TBC1D22A: variants seen among roughly 807,000 people sequenced by gnomAD.
TBC1D22A encodes TBC1 domain family member 22A.
Under a neutral mutation model 60.2 loss-of-function variants are expected in TBC1D22A, and 38 were observed. The ratio of observed to expected loss-of-function variants is 0.63; its 90% CI spans 0.49 to 0.83. The LOEUF (loss-of-function observed/expected upper bound fraction) is 0.83, where lower values mean the gene tolerates loss of function less well. Ranked by LOEUF, TBC1D22A falls within the 40% of genes least tolerant of loss-of-function variation. The pLI is 0.00. For missense variants in TBC1D22A, 628 were observed against 701.0 expected, an observed-to-expected ratio of 0.90 and a Z score of 1.18; for synonymous variants, 302 against 281.7, an observed-to-expected ratio of 1.07 and a Z score of -0.72.
intron 12 of TBC1D22A, among the ~76,000 whole-genome samples, chr22:47,166,338 C>T (rs6007618): frequency 0.19 from 28,485 of 152,012 alleles, 3,141 homozygotes; most frequent in African/African-American, 0.31. Context: ...CACATAGGAA[C>T]GTGAAAACAA....
chr22:47,036,509 A>G (rs2062662398), intron 10 of TBC1D22A, among the ~76,000 whole-genome samples: 1 of 152,208 alleles, frequency 6.6e-6, no homozygotes, highest in Non-Finnish European at 1.5e-5. Flanking sequence ...GGCTCTTTCC[A>G]GAGGCCCAGC....
At chr22:46,886,971 G>T (rs577957375) in intron 5 of TBC1D22A, among the ~76,000 whole-genome samples, 1 of 152,280 alleles carries the variant, frequency 6.6e-6, no homozygotes, top group Non-Finnish European at 1.5e-5. Context: ...TGGGAATATG[G>T]CCATGATTTT....
chr22:47,062,913 A>G (rs990891503), intron 11 of TBC1D22A, among the ~76,000 whole-genome samples: 7 of 86,590 alleles, frequency 8.1e-5, no homozygotes, highest in African/African-American at 3.7e-4. Context: ...CCCCCAGGCC[A>G]CCATGTGCAA....
At chr22:46,869,411 T>G (rs1401136016) in intron 4 of TBC1D22A, among the ~76,000 whole-genome samples, 3 of 152,230 alleles carry the variant, frequency 2.0e-5, no homozygotes, top group Admixed American at 6.5e-5. Flanking sequence ...GGAACTGGGT[T>G]TAATCACTCC....
rs926464522 is a variant in TBC1D22A, at chr22:47,079,502, C to G, written c.1330-32006C>G. Among the ~76,000 whole-genome samples the G allele has an allele frequency of 5.3e-5, 8 of 152,196 alleles. No individual in the cohort carries two copies. The East Asian group carries it at 1.3e-3, about 26-fold the overall frequency. On this transcript the variant is annotated intron_variant, in intron 11 of 12. Transcript: ENST00000337137. ...CTAGAAAATAGCATTTATAATAGCA[C>G]AGGGAAGGGGTAAATGGAAGTAAAC...
chr22:46,953,539 T>A (rs1269590726), intron 8 of TBC1D22A, among the ~76,000 whole-genome samples: 1 of 152,230 alleles, frequency 6.6e-6, no homozygotes, highest in African/African-American at 2.4e-5. Flanking sequence ...TAAACATGAT[T>A]TCTTTTGCCT....
chr22:46,977,320 G>A (rs745724997), intron 9 of TBC1D22A, among the ~76,000 whole-genome samples: 8 of 152,054 alleles, frequency 5.3e-5, no homozygotes, highest in South Asian at 2.1e-4. Context: ...TCAGTAATTA[G>A]TTAACTTTGT....
chr22:46,904,142 T>TCTGC (rs369598619), intron 7 of TBC1D22A, among the ~76,000 whole-genome samples: 78 of 134,570 alleles, frequency 5.8e-4, no homozygotes, highest in African/African-American at 1.4e-3. Context: ...TATCTATCTA[T>TCTGC]CTACCTACCT....
chr22:46,905,570 G>C (rs919806180), intron 7 of TBC1D22A, among the ~76,000 whole-genome samples: 1 of 152,246 alleles, frequency 6.6e-6, no homozygotes, highest in African/African-American at 2.4e-5. Context: ...GTGGCCGCTG[G>C]AAGAGAAGCC....
At chr22:46,984,405 A>AAG (rs755884257) in intron 9 of TBC1D22A, among the ~76,000 whole-genome samples, 11 of 135,308 alleles carry the variant, frequency 8.1e-5, no homozygotes, top group South Asian at 2.4e-4. Flanking sequence ...AAAAAAAAAA[A>AAG]AGAGAAGTTC....
At chr22:46,931,655 A>G (rs1175762237) in intron 8 of TBC1D22A, among the ~76,000 whole-genome samples, 46 of 152,190 alleles carry the variant, frequency 3.0e-4, no homozygotes, top group Admixed American at 2.9e-3. Flanking sequence ...TGTCCTGAAG[A>G]CTGTGGATCC....
At chr22:46,813,180 A>C (rs976832238) in intron 4 of TBC1D22A, among the ~76,000 whole-genome samples, 3 of 152,234 alleles carry the variant, frequency 2.0e-5, no homozygotes, top group Admixed American at 6.5e-5. Context: ...TTATTTCCTC[A>C]ATAAAGTGTA....
intron 12 of TBC1D22A, among the ~76,000 whole-genome samples, chr22:47,147,187 G>A (rs1197414255): frequency 2.0e-5 from 3 of 152,234 alleles, no homozygotes; most frequent in Non-Finnish European, 4.4e-5. Flanking sequence ...AGGAGACAAG[G>A]GAGGGCTCCG....
chr22:47,165,362 C>T (rs1024183867), intron 12 of TBC1D22A, among the ~76,000 whole-genome samples: 4 of 152,146 alleles, frequency 2.6e-5, no homozygotes, highest in Non-Finnish European at 4.4e-5. Flanking sequence ...ATGATGAGCA[C>T]GAAACAACAG....
Position 47,164,042 on chromosome 22 carries a change from A to G in TBC1D22A, c.1426-9456A>G, listed in dbSNP as rs116688225. 4.4e-3 allele frequency among the ~76,000 whole-genome samples: 672 copies of G among 152,350 alleles called. 1 individual carries two copies. Among genetic ancestry groups the G allele is most frequent in the South Asian group, 0.014 (69 of 4,824 alleles). Reference sequence around the variant, plus strand: ...AGCAGCCATCACCGCGCCAGGTAACAGAGCTGAGCCCTGTGTCTCTGACGC... The same window carrying G: ...AGCAGCCATCACCGCGCCAGGTAACGGAGCTGAGCCCTGTGTCTCTGACGC... On this transcript the variant is annotated intron_variant, in intron 12 of 12. Coordinates refer to ENST00000337137, the MANE Select transcript of TBC1D22A (RefSeq NM_014346.5).
intron 4 of TBC1D22A, among the ~76,000 whole-genome samples, chr22:46,851,274 G>A (rs6008991): frequency 0.43 from 65,772 of 152,142 alleles, 14,613 homozygotes; most frequent in African/African-American, 0.54. Flanking sequence ...AGTAGACCAC[G>A]AGACACAGCT....
chr22:46,957,761 T>G (rs903508899), intron 8 of TBC1D22A, among the ~76,000 whole-genome samples: 13 of 152,212 alleles, frequency 8.5e-5, no homozygotes, highest in Non-Finnish European at 7.3e-5. Context: ...GGTGAGGCTG[T>G]GCCTGGGCTG....
At chr22:46,900,591 G>T (rs1051595528) in intron 7 of TBC1D22A, among the ~76,000 whole-genome samples, 2 of 152,168 alleles carry the variant, frequency 1.3e-5, no homozygotes, top group African/African-American at 4.8e-5. Flanking sequence ...TCTTCTTTCT[G>T]TCTCTAGAGT....
chr22:46,981,655 G>A (rs771144136), intron 9 of TBC1D22A, among the ~76,000 whole-genome samples: 13 of 152,178 alleles, frequency 8.5e-5, no homozygotes, highest in Non-Finnish European at 1.0e-4. Flanking sequence ...TGCAAAGAAC[G>A]TGCCTCTTCC....
Sources: allele counts gnomAD v4.1 joint callset (sites outside exome capture counted in the v4.1 genomes callset), GRCh38; gene constraint gnomAD v4.1.1; transcripts MANE v1.5; gene names NCBI Gene and HGNC (gene_info 2026-07-23, HGNC 2026-07-21).